CAMK1D: variants seen among roughly 807,000 people sequenced by gnomAD.
CAMK1D encodes the protein calcium/calmodulin-dependent protein kinase type 1D.
In CAMK1D, 9 loss-of-function variants were observed where a neutral mutation model predicts 47.7. The observed-to-expected ratio is 0.19, with a 90% CI of 0.11 to 0.33. CAMK1D has a LOEUF of 0.33. Among genes scored for constraint, CAMK1D ranks in the 10% least tolerant of loss-of-function variants. CAMK1D has a pLI of 1.00. For missense variants in CAMK1D, 291 were observed against 488.7 expected, an observed-to-expected ratio of 0.60 and a Z score of 3.81; for synonymous variants, 184 against 184.9, an observed-to-expected ratio of 0.99 and a Z score of 0.04.
chr10:12,472,034 CAAA>C (rs60064606), intron 1 of CAMK1D, among the ~76,000 whole-genome samples: 1 of 94,646 alleles, frequency 1.1e-5, no homozygotes. Flanking sequence ...GACTCTGTCT[CAAA>C]AAAAAAAAAA....
chr10:12,480,874 A>C (rs4750223), intron 1 of CAMK1D, among the ~76,000 whole-genome samples: 2,572 of 152,348 alleles, frequency 0.017, 126 homozygotes, highest in Admixed American at 0.1. Context: ...GCCTTTGCAA[A>C]AATTGTAACA....
chr10:12,797,443 C>T (rs368927997), intron 6 of CAMK1D, among the ~76,000 whole-genome samples: 1 of 151,824 alleles, frequency 6.6e-6, no homozygotes, highest in Admixed American at 6.6e-5. Context: ...TAATCTTGAA[C>T]TCCTGACCTC....
In CAMK1D at chr10:12,361,530, C is replaced by T. The variant is rs182801933; in HGVS notation, c.92+11620C>T. Among the ~76,000 whole-genome samples, 389 of 139,670 alleles carry T rather than the reference C, an allele frequency of 2.8e-3. 4 individuals carry two copies. Among genetic ancestry groups the T allele is most frequent in the African/African-American group, 9.9e-3 (369 of 37,360 alleles). 91.6% of individuals were successfully genotyped at this position (139,670 alleles called of 152,430 possible). The stretch of plus-strand genomic sequence containing the variant: ...AAAGTGCTGGGATTACAGGCATGAG[C>T]CACTGTGCCTGGCCCTTTTTTTTTT... On this transcript the variant is annotated intron_variant, in intron 1 of 10. Coordinates refer to ENST00000619168, the MANE Select transcript of CAMK1D (RefSeq NM_153498.4).
chr10:12,546,024 G>A (rs954082653), intron 1 of CAMK1D, among the ~76,000 whole-genome samples: 1 of 152,184 alleles, frequency 6.6e-6, no homozygotes, highest in Non-Finnish European at 1.5e-5. Context: ...TGACAGATGA[G>A]CCTGCGAAGT....
intron 1 of CAMK1D, among the ~76,000 whole-genome samples, chr10:12,544,042 C>T (rs142847394): frequency 1.3e-5 from 2 of 152,220 alleles, no homozygotes; most frequent in Middle Eastern, 3.4e-3. Context: ...ATTATTTCCT[C>T]GCAGGCACCT....
chr10:12,476,551 T>C (rs1833908017), intron 1 of CAMK1D, among the ~76,000 whole-genome samples: 1 of 152,302 alleles, frequency 6.6e-6, no homozygotes, highest in Admixed American at 6.5e-5. Context: ...TAAATTTAGA[T>C]CCTTACTCAG....
At chr10:12,698,914 G>C (rs1167471581) in intron 3 of CAMK1D, among the ~76,000 whole-genome samples, 1 of 151,920 alleles carries the variant, frequency 6.6e-6, no homozygotes, top group African/African-American at 2.4e-5. Flanking sequence ...CTCGTGATCT[G>C]CCTACCTCAG....
intron 1 of CAMK1D, among the ~76,000 whole-genome samples, chr10:12,361,701 G>A (rs903962257): frequency 2.0e-5 from 3 of 149,964 alleles, no homozygotes; most frequent in South Asian, 2.1e-4. Flanking sequence ...GATTACAGGC[G>A]CCCACCACCA....
intron 1 of CAMK1D, among the ~76,000 whole-genome samples, chr10:12,383,773 A>G (rs1838410586): frequency 6.6e-6 from 1 of 152,250 alleles, no homozygotes; most frequent in South Asian, 2.1e-4. Context: ...GAAAGAATGA[A>G]CGCTTTACCT....
intron 6 of CAMK1D, among the ~76,000 whole-genome samples, chr10:12,801,354 T>TTATCTATCTATCTATCTATCTATCTATC (rs56165416): frequency 7.4e-4 from 49 of 66,554 alleles, no homozygotes; most frequent in Non-Finnish European, 9.8e-4. Context: ...TCTATCTATC[T>TTATCTATCTATCTATCTATCTATCTATC]TATCTATCTA....
At chr10:12,703,381 C>T (rs999366749) in intron 3 of CAMK1D, among the ~76,000 whole-genome samples, 2 of 152,110 alleles carry the variant, frequency 1.3e-5, no homozygotes, top group South Asian at 4.2e-4. Context: ...TCGCAGGGCT[C>T]GGAACAGAAG....
chr10:12,616,576 G>A (rs1275082966), intron 2 of CAMK1D, among the ~76,000 whole-genome samples: 1 of 152,032 alleles, frequency 6.6e-6, no homozygotes, highest in African/African-American at 2.4e-5. Context: ...GGGGTGCAGT[G>A]GTGTGATCTC....
intron 1 of CAMK1D, among the ~76,000 whole-genome samples, chr10:12,485,069 C>T (rs1315751017): frequency 2.6e-5 from 4 of 152,308 alleles, no homozygotes; most frequent in Non-Finnish European, 2.9e-5. Context: ...GAAGGAAAGT[C>T]GCCTTCACGT....
intron 3 of CAMK1D, among the ~76,000 whole-genome samples, chr10:12,671,608 TATATATATATATGGAG>T (rs1840619335): frequency 6.6e-6 from 1 of 150,802 alleles, no homozygotes; most frequent in South Asian, 2.1e-4. Flanking sequence ...GAGATATGTA[TATATATATATATGGAG>T]ATATATATAT....
rs533050803 is a variant in CAMK1D, at chr10:12,466,179, G to A, written c.93-87046G>A. On this transcript the variant is annotated intron_variant, in intron 1 of 10. Coordinates refer to ENST00000619168, the MANE Select transcript of CAMK1D (RefSeq NM_153498.4). Reference sequence around the variant, plus strand: ...AAAAAAATTTTAGGGAGACCAAGGCGGGCAGATCACGAGGTCAGGAGATCG... The same window carrying A: ...AAAAAAATTTTAGGGAGACCAAGGCAGGCAGATCACGAGGTCAGGAGATCG... Among the ~76,000 whole-genome samples, 6 of 152,106 alleles carry A rather than the reference G, an allele frequency of 3.9e-5. No individual in the cohort carries two copies. The East Asian group carries it at 7.7e-4, about 20-fold the overall frequency.
chr10:12,709,916 A>G (rs1345955011), intron 3 of CAMK1D, among the ~76,000 whole-genome samples: 1 of 152,210 alleles, frequency 6.6e-6, no homozygotes, highest in African/African-American at 2.4e-5. Flanking sequence ...GAATTGAAGG[A>G]CGCAGAGTCG....
chr10:12,789,885 A>G (rs1451474312), intron 5 of CAMK1D, among the ~76,000 whole-genome samples: 2 of 152,256 alleles, frequency 1.3e-5, no homozygotes, highest in African/African-American at 2.4e-5. Context: ...GCCATCAGAT[A>G]TGTTTGGGGG....
chr10:12,632,374 G>A (rs186333603), intron 2 of CAMK1D, among the ~76,000 whole-genome samples: 1 of 152,294 alleles, frequency 6.6e-6, no homozygotes, highest in Admixed American at 6.5e-5. Context: ...GACCCAGTTG[G>A]AGAACAGCAA....
chr10:12,487,673 C>A (rs1483345152), intron 1 of CAMK1D, among the ~76,000 whole-genome samples: 1 of 152,232 alleles, frequency 6.6e-6, no homozygotes, highest in Non-Finnish European at 1.5e-5. Flanking sequence ...GGAATCACTT[C>A]TTGTGGATCC....
Sources: allele counts gnomAD v4.1 joint callset (sites outside exome capture counted in the v4.1 genomes callset), GRCh38; gene constraint gnomAD v4.1.1; transcripts MANE v1.5; gene names NCBI Gene and HGNC (gene_info 2026-07-23, HGNC 2026-07-21).